The following C1orf21 variants were observed in gnomAD, a reference collection of about 807,000 sequenced individuals.
The protein encoded by C1orf21 is uncharacterized protein C1orf21.
A neutral mutation model predicts 18.7 loss-of-function variants in C1orf21; 3 were observed. The ratio of observed to expected loss-of-function variants is 0.16; its 90% CI spans 0.07 to 0.42. The LOEUF (loss-of-function observed/expected upper bound fraction) is 0.42. Among genes scored for constraint, C1orf21 ranks in the 10% least tolerant of loss-of-function variants. The pLI is 0.99. For synonymous variants in C1orf21, 41 were observed against 46.4 expected (o/e 0.88, Z 0.47); for missense variants, 104 against 143.6 (o/e 0.72, Z 1.41).
intron 3 of C1orf21, among the ~76,000 whole-genome samples, chr1:184,579,657 C>G (rs1305865980): frequency 6.6e-6 from 1 of 151,592 alleles, no homozygotes; most frequent in East Asian, 1.9e-4. Context: ...ATTACAGGCA[C>G]CCACCACCAC....
At chr1:184,434,783 CT>C (rs1656833312) in intron 1 of C1orf21, among the ~76,000 whole-genome samples, 2 of 152,206 alleles carry the variant, frequency 1.3e-5, no homozygotes, top group South Asian at 4.1e-4. Context: ...AGAGCTAAGA[CT>C]TTCATTCCTG....
At chr1:184,496,083 G>C (rs1657889793) in intron 2 of C1orf21, among the ~76,000 whole-genome samples, 1 of 152,126 alleles carries the variant, frequency 6.6e-6, no homozygotes, top group Non-Finnish European at 1.5e-5. Flanking sequence ...AGATGTTAAA[G>C]GAGTGGCCCA....
chr1:184,441,407 C>T (rs1002473602), intron 1 of C1orf21, among the ~76,000 whole-genome samples: 7 of 152,152 alleles, frequency 4.6e-5, no homozygotes, highest in Admixed American at 4.6e-4. Flanking sequence ...GATCTGCCCC[C>T]AAATCTTGAT....
intron 3 of C1orf21, among the ~76,000 whole-genome samples, chr1:184,508,337 C>A (rs1283472310): frequency 3.9e-5 from 6 of 152,242 alleles, no homozygotes; most frequent in Middle Eastern, 3.4e-3. Context: ...TTCTTAAAAG[C>A]AGTTACAAAT....
chr1:184,469,268 C>CA (rs925916704), intron 1 of C1orf21, among the ~76,000 whole-genome samples: 14 of 151,604 alleles, frequency 9.2e-5, no homozygotes, highest in Non-Finnish European at 8.8e-5. Context: ...AACAAACGAA[C>CA]AAAAAAAACT....
At position 184,464,751 on chromosome 1, in the gene C1orf21, A is replaced by G. The variant is rs147132731; in HGVS notation, c.-124-12635A>G. On this transcript the variant is annotated intron_variant, in intron 1 of 5. Coordinates refer to ENST00000235307, the MANE Select transcript of C1orf21 (RefSeq NM_030806.4). ...GCTTAAGCAGAAATGGAGAAGTAGG[A>G]CTATGAGCAGAATATTGAGGAAGAG... Among the ~76,000 whole-genome samples, 164 of 152,322 alleles carry G rather than the reference A, an allele frequency of 1.1e-3. 1 individual carries two copies. Among genetic ancestry groups the G allele is most frequent in the African/African-American group, 3.7e-3 (154 of 41,576 alleles).
At chr1:184,500,613 C>T (rs1657961069) in intron 2 of C1orf21, among the ~76,000 whole-genome samples, 1 of 152,140 alleles carries the variant, frequency 6.6e-6, no homozygotes, top group Non-Finnish European at 1.5e-5. Flanking sequence ...ACTCAATCTC[C>T]ACAGCACACA....
At chr1:184,550,474 G>A (rs892681974) in intron 3 of C1orf21, among the ~76,000 whole-genome samples, 6 of 152,172 alleles carry the variant, frequency 3.9e-5, no homozygotes, top group African/African-American at 9.7e-5. Flanking sequence ...CCTGGCTGTC[G>A]TGAAGTGATT....
chr1:184,562,345 T>A (rs550627541), intron 3 of C1orf21, among the ~76,000 whole-genome samples: 2 of 152,348 alleles, frequency 1.3e-5, no homozygotes, highest in Non-Finnish European at 2.9e-5. Flanking sequence ...AAACAGCAGT[T>A]ATATAGCAAT....
intron 2 of C1orf21, among the ~76,000 whole-genome samples, chr1:184,482,995 G>A (rs1402572938): frequency 6.6e-6 from 1 of 152,162 alleles, no homozygotes; most frequent in Non-Finnish European, 1.5e-5. Context: ...AGAAAATTTA[G>A]GAAATCATTG....
At chr1:184,520,653 C>T (rs539506442) in intron 3 of C1orf21, among the ~76,000 whole-genome samples, 149 of 152,270 alleles carry the variant, frequency 9.8e-4, no homozygotes, top group Non-Finnish European at 1.4e-3. Flanking sequence ...ACAAAGTAAA[C>T]CACCCATAGC....
intron 3 of C1orf21, among the ~76,000 whole-genome samples, chr1:184,551,572 G>A (rs1658813139): frequency 6.6e-6 from 1 of 152,134 alleles, no homozygotes; most frequent in Non-Finnish European, 1.5e-5. Flanking sequence ...TCCCTCACTG[G>A]GCTCATCATT....
chr1:184,537,866 C>T (rs1173120418), intron 3 of C1orf21, among the ~76,000 whole-genome samples: 1 of 152,096 alleles, frequency 6.6e-6, no homozygotes, highest in African/African-American at 2.4e-5. Context: ...TCAGGCTGGT[C>T]TCGAACTCCT....
chr1:184,472,131 T>A (rs961070077), intron 1 of C1orf21, among the ~76,000 whole-genome samples: 1 of 151,770 alleles, frequency 6.6e-6, no homozygotes, highest in Non-Finnish European at 1.5e-5. Context: ...ATTAGTTATT[T>A]ATATATATAT....
chr1:184,590,017 A>G (rs1659413829), intron 3 of C1orf21, among the ~76,000 whole-genome samples: 1 of 152,118 alleles, frequency 6.6e-6, no homozygotes, highest in African/African-American at 2.4e-5. Flanking sequence ...TTTCAGGGGT[A>G]TGTTTTGTGA....
intron 5 of C1orf21, among the ~76,000 whole-genome samples, chr1:184,607,721 GTATA>G (rs1214524406): frequency 2.0e-5 from 3 of 149,876 alleles, no homozygotes; most frequent in Non-Finnish European, 4.4e-5. Context: ...ATATGTGTGT[GTATA>G]TATATACATA....
intron 1 of C1orf21, among the ~76,000 whole-genome samples, chr1:184,423,921 T>C (rs1656589521): frequency 6.6e-6 from 1 of 152,050 alleles, no homozygotes; most frequent in African/African-American, 2.4e-5. Flanking sequence ...TTTAAGGGTT[T>C]CCTTAATGCC....
intron 3 of C1orf21, among the ~76,000 whole-genome samples, chr1:184,584,908 A>G (rs1659331176): frequency 6.6e-6 from 1 of 152,218 alleles, no homozygotes; most frequent in Non-Finnish European, 1.5e-5. Flanking sequence ...GCCCAGCACT[A>G]TGAATGAGAG....
intron 1 of C1orf21, among the ~76,000 whole-genome samples, chr1:184,442,523 A>G (rs1417244578): frequency 1.3e-5 from 2 of 152,260 alleles, no homozygotes; most frequent in Non-Finnish European, 2.9e-5. Context: ...CCTGTCTTTT[A>G]GAATAGGCAG....
Sources: allele counts gnomAD v4.1 joint callset (sites outside exome capture counted in the v4.1 genomes callset), GRCh38; gene constraint gnomAD v4.1.1; transcripts MANE v1.5; gene names NCBI Gene and HGNC (gene_info 2026-07-23, HGNC 2026-07-21).